Variants in ZNF552 observed in about 807,000 individuals in gnomAD.
ZNF552 encodes zinc finger protein 552.
ZNF552 carries 2 observed loss-of-function variants against 7.2 expected under a neutral mutation model. The ratio of observed to expected loss-of-function variants is 0.28; its 90% CI spans 0.11 to 0.88. The LOEUF (loss-of-function observed/expected upper bound fraction) is 0.88, where lower values mean the gene tolerates loss of function less well. Ranked by LOEUF, ZNF552 falls within the 40% of genes least tolerant of loss-of-function variation. The pLI, the probability that ZNF552 is intolerant of heterozygous loss-of-function variation, is 0.60. For synonymous variants in ZNF552, 173 were observed against 176.5 expected, an observed-to-expected ratio of 0.98 and a Z score of 0.16; for missense variants, 421 against 493.4, an observed-to-expected ratio of 0.85 and a Z score of 1.39.
At chr19:57,812,472 A>G (rs1987875708) in intron 2 of ZNF552, among the ~76,000 whole-genome samples, 2 of 152,214 alleles carry the variant, frequency 1.3e-5, no homozygotes, top group South Asian at 4.1e-4. Context: ...TGAGACATAC[A>G]TGATGTAAGA....
chr19:57,813,391 C>G lies in ZNF552; in HGVS notation c.63G>C (p.Val21=). 2.5e-6 allele frequency: 4 copies of G among 1,614,086 alleles called. 1 individual carries two copies. In the South Asian group the frequency reaches 4.4e-5, roughly 18 times the overall value. ...QGTVTFEDVA[V]KFTQEEWNLL... is the part of the protein sequence containing the mutation. ...GATTCCATTCCTCCTGGGTAAATTTCACAGCCACGTCTTCAAAAGTCACTG... is the reference window on the plus strand; with the variant it reads ...GATTCCATTCCTCCTGGGTAAATTTGACAGCCACGTCTTCAAAAGTCACTG... Residue 21 remains valine, a synonymous_variant, in exon 2 of 3, where the codon GTG becomes GTC. Transcript: ENST00000391701.
intron 1 of ZNF552, among the ~76,000 whole-genome samples, chr19:57,813,788 A>C (rs1987903788): frequency 8.2e-6 from 1 of 122,526 alleles, no homozygotes; most frequent in Admixed American, 1.1e-4. Flanking sequence ...TCTGTCACCC[A>C]GGGTGGAGTG....
Position 57,807,353 on chromosome 19 carries a change from T to C in ZNF552, c.*687A>G, listed in dbSNP as rs1987760685. 6.6e-6 allele frequency: 1 copy of C among 152,074 alleles called. No homozygotes were observed. The highest frequency in any genetic ancestry group is 2.4e-5 in the African/African-American group (1 of 41,382). 9.4% of individuals were successfully genotyped at this position (152,074 alleles called of 1,614,324 possible). A position where few individuals can be genotyped will look rare whatever the true frequency, so the allele number is the denominator to read the frequency against. On this transcript the variant is annotated 3_prime_UTR_variant, in exon 3 of 3. Transcript: ENST00000391701. ...GCGGGCAGATCACGAGGTCAGGAGA[T>C]TGAGAACTTCCTGGCTAACAGGGTG...
intron 2 of ZNF552, among the ~76,000 whole-genome samples, chr19:57,809,564 G>C (rs565959982): frequency 1.3e-5 from 2 of 151,842 alleles, no homozygotes; most frequent in African/African-American, 4.8e-5. Context: ...ATAAAATTAA[G>C]ATGTGAGGTC....
In ZNF552 at chr19:57,807,508, T is replaced by A. The variant is rs1175166270; in HGVS notation, c.*532A>T. ...AGGCAGGGCTTGCAGTGAGCCGAGATTATGCCACTGTACTCCAGCCTGGGT... is the reference window on the plus strand; with the variant it reads ...AGGCAGGGCTTGCAGTGAGCCGAGAATATGCCACTGTACTCCAGCCTGGGT... On this transcript the variant is annotated 3_prime_UTR_variant, in exon 3 of 3. Coordinates refer to ENST00000391701, the MANE Select transcript of ZNF552 (RefSeq NM_024762.3). 1.3e-5 allele frequency: 2 copies of A among 152,672 alleles called. No homozygotes were observed. Among genetic ancestry groups the A allele is most frequent in the Non-Finnish European group, 1.5e-5 (1 of 68,458 alleles). The allele number at this position is 152,672 out of a possible 1,614,324, so 9.5% of individuals were successfully genotyped here.
intron 1 of ZNF552, among the ~76,000 whole-genome samples, chr19:57,814,143 C>T (rs1987913329): frequency 6.6e-6 from 1 of 152,102 alleles, no homozygotes; most frequent in South Asian, 2.1e-4. Flanking sequence ...CTGGTAAGCT[C>T]AGGCCTCCCT....
Position 57,808,658 on chromosome 19 carries a change from C to A in ZNF552, c.606G>T (p.Val202=). The A allele has an allele frequency of 6.2e-7, 1 of 1,614,206 alleles. No individual in the cohort carries two copies. The highest frequency in any genetic ancestry group is 8.5e-7 in the Non-Finnish European group (1 of 1,180,032). The change falls in exon 3 of 3, where the codon GTG becomes GTT. Residue 202 remains valine (V), a synonymous_variant. Coordinates refer to ENST00000391701, the MANE Select transcript of ZNF552 (RefSeq NM_024762.3). ...TGKSNSKTEC[V]SLFHGGKSHY... is the part of the protein sequence containing the mutation. ...GGCTTTTTCCCCCATGAAACAGAGACACACACTCAGTTTTGCTGTTTGACT... is the reference window on the plus strand; with the variant it reads ...GGCTTTTTCCCCCATGAAACAGAGAAACACACTCAGTTTTGCTGTTTGACT...
intron 1 of ZNF552, among the ~76,000 whole-genome samples, chr19:57,814,184 C>T (rs1987913886): frequency 6.6e-6 from 1 of 152,102 alleles, no homozygotes; most frequent in Non-Finnish European, 1.5e-5. Flanking sequence ...AGCCAGGTGA[C>T]CTTGGACTAT....
rs1333099627 is a variant in ZNF552 at position 57,808,517 on chromosome 19, A to G, written c.747T>C (p.Ser249=). The change falls in exon 3 of 3, where the codon TCT becomes TCC. Residue 249 remains serine, a synonymous_variant. Coordinates refer to ENST00000391701, the MANE Select transcript of ZNF552 (RefSeq NM_024762.3). ...GATTACTGAAGCTGTCATATTTGCT[A>G]GAGGATTTCCCACATTCACACCACA... The part of the protein sequence containing the change: ...PSVWCECGKS[S]SKYDSFSNHQ... 6.2e-7 allele frequency: 1 copy of G among 1,613,942 alleles called. No individual in the cohort carries two copies. The highest frequency in any genetic ancestry group is 8.5e-7 in the Non-Finnish European group (1 of 1,179,870).
chr19:57,809,646 TA>T (rs5828732), intron 2 of ZNF552, among the ~76,000 whole-genome samples: 199 of 144,622 alleles, frequency 1.4e-3, no homozygotes, highest in Admixed American at 1.5e-3. Flanking sequence ...TTAAAGGATT[TA>T]AAAAAAAAAA....
At chr19:57,813,544 G>A (rs1008480201) in intron 1 of ZNF552, 124 bp from the exon 2 acceptor site, 1 of 1,382,530 alleles carries the variant, frequency 7.2e-7, no homozygotes, top group Non-Finnish European at 9.9e-7. Context: ...GGAGAAACTA[G>A]GCCCACTGGT....
chr19:57,808,025 C>G lies in ZNF552; in HGVS notation c.*15G>C. ...GTGTATTCTCCAATATTTAATGAGA[C>G]TGGACTCACTGCACTCATAAGCCCT... On this transcript the variant is annotated 3_prime_UTR_variant, in exon 3 of 3. Coordinates refer to ENST00000391701, the MANE Select transcript of ZNF552 (RefSeq NM_024762.3). 1 of 1,587,732 alleles carries G rather than the reference C, an allele frequency of 6.3e-7. No homozygotes were observed. Among genetic ancestry groups the G allele is most frequent in the Non-Finnish European group, 8.6e-7 (1 of 1,167,246 alleles).
intron 2 of ZNF552, among the ~76,000 whole-genome samples, chr19:57,809,506 A>G (rs1197147342): frequency 6.6e-6 from 1 of 152,212 alleles, no homozygotes; most frequent in African/African-American, 2.4e-5. Flanking sequence ...ATTTGCTAAC[A>G]CAAAACCTGT....
intron 2 of ZNF552, 94 bp from the exon 3 acceptor site, chr19:57,809,197 C>T (rs1212669312): frequency 2.5e-6 from 4 of 1,607,584 alleles, no homozygotes; most frequent in Non-Finnish European, 3.4e-6. Flanking sequence ...AGGAATTACT[C>T]CAAGGAAGTA....
chr19:57,812,789 G>C (rs1327828476), intron 2 of ZNF552, among the ~76,000 whole-genome samples: 1 of 152,080 alleles, frequency 6.6e-6, no homozygotes, highest in Non-Finnish European at 1.5e-5. Context: ...GGCTGTTCTC[G>C]AACTCCTGGC....
In ZNF552 at chr19:57,808,571, C is replaced by T. The variant is rs200407693; in HGVS notation, c.693G>A (p.Glu231=). The T allele has an allele frequency of 6.2e-7, 1 of 1,614,192 alleles. No individual in the cohort carries two copies. Among genetic ancestry groups the T allele is most frequent in the African/African-American group, 1.3e-5 (1 of 75,056 alleles). ...FSTKDILSQH[E]RLLPTEEPSV... ...AAGGTTCTTCTGTAGGGAGCAGTCT[C>T]TCGTGCTGACTGAGTATATCTTTGG... Residue 231 remains glutamate, a synonymous_variant, in exon 3 of 3, where the codon GAG becomes GAA. Transcript: ENST00000391701.
At chr19:57,812,220 C>T (rs977602076) in intron 2 of ZNF552, among the ~76,000 whole-genome samples, 1 of 151,574 alleles carries the variant, frequency 6.6e-6, no homozygotes, top group Non-Finnish European at 1.5e-5. Context: ...ACAAACAAAA[C>T]CAAAAACAAG....
intron 1 of ZNF552, among the ~76,000 whole-genome samples, chr19:57,813,737 T>C (rs944217910): frequency 1.2e-4 from 4 of 34,462 alleles, no homozygotes; most frequent in African/African-American, 1.9e-4. Flanking sequence ...CCTCATTCTT[T>C]TTTTTTTTTT....
Position 57,808,314 on chromosome 19 carries a change from ACT to A in ZNF552, c.948_949del (p.Arg316SerfsTer9), listed in dbSNP as rs1378927601. Reference sequence around the variant, plus strand: ...TTCATATGGCCTTTCTCCAGTGTGAACTCTCTGGTGTGCAATGAGGTGGTACT... The same window carrying A: ...TTCATATGGCCTTTCTCCAGTGTGAACTCTGGTGTGCAATGAGGTGGTACT... On this transcript the variant is annotated frameshift_variant, in exon 3 of 3. Coordinates refer to ENST00000391701, the MANE Select transcript of ZNF552 (RefSeq NM_024762.3). LOFTEE classifies it low-confidence loss of function (END_TRUNC). The A allele has an allele frequency of 1.4e-5, 22 of 1,613,764 alleles. No homozygotes were observed. Among genetic ancestry groups the A allele is most frequent in the South Asian group, 2.2e-5 (2 of 91,072 alleles).
Sources: gnomAD v4.1 joint callset for allele counts (sites outside exome capture counted in the v4.1 genomes callset) on GRCh38, gnomAD v4.1.1 for gene constraint, MANE v1.5 for transcripts, NCBI Gene and HGNC (gene_info 2026-07-23, HGNC 2026-07-21) for gene names.